FGF7: variants seen among roughly 807,000 people sequenced by gnomAD.
The protein encoded by FGF7 is fibroblast growth factor 7.
FGF7 carries 6 observed loss-of-function variants against 20.5 expected under a neutral mutation model. The observed-to-expected ratio is 0.29, with a 90% CI of 0.16 to 0.58. FGF7 has a LOEUF of 0.58. FGF7 is among the 20% of genes least tolerant of loss of function. The pLI is 0.90. For synonymous variants in FGF7, 64 were observed against 74.7 expected (o/e 0.86, Z 0.74); for missense variants, 144 against 228.8 (o/e 0.63, Z 2.39).
At chr15:49,462,475 C>T (rs1156901211) in intron 2 of FGF7, among the ~76,000 whole-genome samples, 1 of 152,178 alleles carries the variant, frequency 6.6e-6, no homozygotes, top group South Asian at 2.1e-4. Flanking sequence ...TCTTTTCCAG[C>T]ATGGGCAAAT....
intron 2 of FGF7, among the ~76,000 whole-genome samples, chr15:49,459,763 C>T (rs762659653): frequency 2.6e-5 from 4 of 152,236 alleles, no homozygotes; most frequent in South Asian, 4.1e-4. Context: ...AGACTTGTAG[C>T]TGGTGGTGTG....
chr15:49,453,666 G>T (rs1212946752), intron 2 of FGF7, among the ~76,000 whole-genome samples: 1 of 152,088 alleles, frequency 6.6e-6, no homozygotes, highest in Non-Finnish European at 1.5e-5. Context: ...CTAGACTCAT[G>T]ACTTCAATTA....
chr15:49,454,952 C>T (rs1481047319), intron 2 of FGF7, among the ~76,000 whole-genome samples: 1 of 152,124 alleles, frequency 6.6e-6, no homozygotes, highest in Admixed American at 6.6e-5. Flanking sequence ...TCAGTCTCAC[C>T]ATGTTCCATT....
At chr15:49,428,834 T>C (rs948290189) in intron 2 of FGF7, among the ~76,000 whole-genome samples, 22 of 152,154 alleles carry the variant, frequency 1.4e-4, no homozygotes, top group Middle Eastern at 3.4e-3. Flanking sequence ...GGGTTAGCCA[T>C]TCTGAAAACT....
chr15:49,478,045 C>G (rs559739046), intron 2 of FGF7, among the ~76,000 whole-genome samples: 1 of 152,230 alleles, frequency 6.6e-6, no homozygotes, highest in South Asian at 2.1e-4. Flanking sequence ...AGCGTAGTAC[C>G]TAATGGTTTT....
At chr15:49,476,875 C>T (rs1395782652) in intron 2 of FGF7, among the ~76,000 whole-genome samples, 2 of 151,640 alleles carry the variant, frequency 1.3e-5, no homozygotes, top group African/African-American at 2.4e-5. Context: ...CTGGCTAACA[C>T]GGTGAAACCT....
intron 2 of FGF7, among the ~76,000 whole-genome samples, chr15:49,437,398 T>C (rs1201774235): frequency 2.0e-5 from 3 of 151,650 alleles, no homozygotes; most frequent in Middle Eastern, 3.2e-3. Flanking sequence ...CTTTTGTCCA[T>C]GTCCTTAGTT....
intron 2 of FGF7, among the ~76,000 whole-genome samples, chr15:49,444,323 C>A (rs1177824612): frequency 6.6e-6 from 1 of 151,650 alleles, no homozygotes; most frequent in Non-Finnish European, 1.5e-5. Flanking sequence ...TTCAGTAAAA[C>A]ATGCTACTAT....
chr15:49,435,204 T>TA (rs2050993257), intron 2 of FGF7, among the ~76,000 whole-genome samples: 1 of 151,648 alleles, frequency 6.6e-6, no homozygotes, highest in Non-Finnish European at 1.5e-5. Context: ...AAGTGTAACT[T>TA]ACCTATGTCA....
chr15:49,424,410 A>G lies in FGF7; in HGVS notation c.113A>G (p.Glu38Gly). 6.2e-7 allele frequency: 1 copy of G among 1,613,732 alleles called. No individual in the cohort carries two copies. Residue 38 changes from glutamate (E) to glycine (G), a missense_variant, in exon 2 of 4, where the codon GAG becomes GGG. Around this residue, in one of 2 missense-constraint regions of FGF7, gnomAD observed 88 missense variants for 103.4 expected, o/e 0.85. Transcript: ENST00000267843. ...TTAGCTTGCAATGACATGACTCCAG[A>G]GCAAATGGCTACAAATGTGAACTGT... ...ISLACNDMTP[E>G]QMATNVNCSS...
intron 2 of FGF7, among the ~76,000 whole-genome samples, chr15:49,474,099 A>C (rs1597424181): frequency 1.3e-5 from 2 of 152,190 alleles, no homozygotes; most frequent in Admixed American, 6.5e-5. Context: ...ACAGGATTTA[A>C]AATATTTTTA....
chr15:49,445,622 C>T (rs2052122705), intron 2 of FGF7, among the ~76,000 whole-genome samples: 1 of 151,414 alleles, frequency 6.6e-6, no homozygotes, highest in Non-Finnish European at 1.5e-5. Context: ...TATATGAAAA[C>T]ATCACTGTGT....
At chr15:49,430,448 A>T (rs1294710426) in intron 2 of FGF7, among the ~76,000 whole-genome samples, 1 of 151,866 alleles carries the variant, frequency 6.6e-6, no homozygotes, top group East Asian at 1.9e-4. Context: ...TAAGGAGACA[A>T]CCTCTAGCCT....
chr15:49,483,360 A>T, intron 3 of FGF7, 106 bp downstream of exon 3: 1 of 620,916 alleles, frequency 1.6e-6, no homozygotes, highest in Non-Finnish European at 2.8e-6. Context: ...CCAACTGTAT[A>T]ATTTAATGAT....
Position 49,484,157 on chromosome 15 carries a change from A to G in FGF7, c.391-153A>G, listed in dbSNP as rs1048382468. ...TTATGCAAATATACTACATAAGTATAGCTAATAAACCACATTAGGCCTGCT... is the reference window on the plus strand; with the variant it reads ...TTATGCAAATATACTACATAAGTATGGCTAATAAACCACATTAGGCCTGCT... On this transcript the variant is annotated intron_variant, in intron 3 of 3. Coordinates refer to ENST00000267843, the MANE Select transcript of FGF7 (RefSeq NM_002009.4). Among the ~76,000 whole-genome samples the G allele has an allele frequency of 3.4e-4, 52 of 152,110 alleles. 1 individual carries two copies. The highest frequency in any genetic ancestry group is 3.3e-3 in the Admixed American group (50 of 15,260).
chr15:49,472,013 T>C (rs1358085254), intron 2 of FGF7, among the ~76,000 whole-genome samples: 1 of 38,456 alleles, frequency 2.6e-5, no homozygotes, highest in African/African-American at 1.0e-4. Flanking sequence ...CTCATGACTT[T>C]AGAAGTGAAA....
At chr15:49,459,062 C>T (rs2053567078) in intron 2 of FGF7, among the ~76,000 whole-genome samples, 1 of 152,196 alleles carries the variant, frequency 6.6e-6, no homozygotes, top group Non-Finnish European at 1.5e-5. Context: ...ACTAATATAT[C>T]TTCCTTCTCT....
intron 2 of FGF7, among the ~76,000 whole-genome samples, chr15:49,446,176 A>G (rs1441590711): frequency 6.6e-6 from 1 of 151,626 alleles, no homozygotes; most frequent in Non-Finnish European, 1.5e-5. Context: ...GGCTTCACTC[A>G]CTGATAAATA....
chr15:49,456,871 C>G (rs1325511452), intron 2 of FGF7, among the ~76,000 whole-genome samples: 1 of 152,094 alleles, frequency 6.6e-6, no homozygotes, highest in Non-Finnish European at 1.5e-5. Flanking sequence ...CAGAAAAAGA[C>G]AGGCAACTGT....
Sources: gnomAD v4.1 joint callset for allele counts (sites outside exome capture counted in the v4.1 genomes callset) on GRCh38, gnomAD v4.1.1 for gene constraint, gnomAD v4.1.1 regional missense constraint, MANE v1.5 for transcripts, NCBI Gene and HGNC (gene_info 2026-07-23, HGNC 2026-07-21) for gene names.